The following CORO1C variants were observed in gnomAD, a reference collection of about 807,000 sequenced individuals.
CORO1C encodes coronin-1C.
CORO1C carries 14 observed loss-of-function variants against 51.2 expected under a neutral mutation model. The ratio of observed to expected loss-of-function variants is 0.27; its 90% CI spans 0.18 to 0.43. CORO1C has a LOEUF of 0.43. Ranked by LOEUF, CORO1C falls within the 20% of genes least tolerant of loss-of-function variation. CORO1C has a pLI of 1.00. For missense variants in CORO1C, 417 were observed against 607.8 expected (o/e 0.69, Z 3.30); for synonymous variants, 181 against 210.5 (o/e 0.86, Z 1.21).
rs915067445 is a variant in CORO1C at position 108,719,144 on chromosome 12, C to A, written c.-6+12285G>T. Among the ~76,000 whole-genome samples, 4 of 152,206 alleles carry A rather than the reference C, an allele frequency of 2.6e-5. No homozygotes were observed. The South Asian group carries it at 8.3e-4, about 31-fold the overall frequency. On this transcript the variant is annotated intron_variant, in intron 1 of 10. Coordinates refer to ENST00000261401, the MANE Select transcript of CORO1C (RefSeq NM_014325.4). ...GACTTGAAAATTATAATCTTTAATT[C>A]TCTATGCTAAATTAATTGGACATCA...
chr12:108,662,235 A>T (rs2033296379), intron 3 of CORO1C, 77 bp from the exon 4 acceptor site: 3 of 1,277,224 alleles, frequency 2.3e-6, no homozygotes, highest in African/African-American at 1.5e-5. Flanking sequence ...ACCATCCACT[A>T]TAAAGATTTG....
chr12:108,681,813 T>G (rs1358847208), intron 2 of CORO1C, among the ~76,000 whole-genome samples: 1 of 152,070 alleles, frequency 6.6e-6, no homozygotes, highest in East Asian at 1.9e-4. Flanking sequence ...AAAACAACAG[T>G]GAGCAAATAA....
intron 2 of CORO1C, among the ~76,000 whole-genome samples, chr12:108,679,727 C>T (rs981242680): frequency 1.3e-5 from 2 of 152,194 alleles, no homozygotes; most frequent in African/African-American, 4.8e-5. Context: ...AGAACGTTAA[C>T]GTGTAAAGAC....
At chr12:108,678,861 C>T (rs1161593297) in intron 2 of CORO1C, among the ~76,000 whole-genome samples, 1 of 151,632 alleles carries the variant, frequency 6.6e-6, no homozygotes, top group Non-Finnish European at 1.5e-5. Context: ...GTGGCTCACG[C>T]CTATAATCCC....
rs560032105 is a variant in CORO1C, at chr12:108,698,982, A to C, written c.195+2142T>G. The stretch of plus-strand genomic sequence containing the variant: ...ATTGATCTTATTTCCAATGGCTGTC[A>C]CAGGGCTTAGCTTATACCAATGTCA... On this transcript the variant is annotated intron_variant, in intron 2 of 10. Transcript: ENST00000261401. 5.9e-5 allele frequency among the ~76,000 whole-genome samples: 9 copies of C among 152,314 alleles called. No homozygotes were observed. The South Asian group carries it at 1.9e-3, about 32-fold the overall frequency.
rs1475133503 is a variant in CORO1C at position 108,658,049 on chromosome 12, C to CTATG, written c.631-630_631-627dup. ...GGCAAATGAGGACTTCTCAGACTTA[C>CTATG]TATGTGTAGTTTCAACACCGACTGA... On this transcript the variant is annotated intron_variant, in intron 5 of 10. Coordinates refer to ENST00000261401, the MANE Select transcript of CORO1C (RefSeq NM_014325.4). The surrounding 1 kb of genome is among the most constrained non-coding windows in gnomAD (Gnocchi z 4.9). Among the ~76,000 whole-genome samples the CTATG allele has an allele frequency of 4.6e-5, 7 of 152,178 alleles. No individual in the cohort carries two copies. The highest frequency in any genetic ancestry group is 1.7e-4 in the African/African-American group (7 of 41,426).
rs761985774 is a variant in CORO1C at position 108,648,894 on chromosome 12, C to G, written c.1060-44G>C. ...ACCCGTGGGTAAGGAAGAAGAAAGG[C>G]CTGGGATTTTTGAATTTTATTTTTA... On this transcript the variant is annotated intron_variant, in intron 9 of 10. Transcript: ENST00000261401. 2.5e-6 allele frequency: 4 copies of G among 1,612,126 alleles called. No homozygotes were observed. The South Asian group carries it at 3.3e-5, about 13-fold the overall frequency.
At chr12:108,662,740 A>G (rs1308507410) in intron 3 of CORO1C, among the ~76,000 whole-genome samples, 1 of 152,204 alleles carries the variant, frequency 6.6e-6, no homozygotes, top group Non-Finnish European at 1.5e-5. Flanking sequence ...CATATTTTCT[A>G]TAATTTTACA....
At chr12:108,715,859 C>T (rs1050799718) in intron 1 of CORO1C, among the ~76,000 whole-genome samples, 3 of 151,808 alleles carry the variant, frequency 2.0e-5, no homozygotes, top group Non-Finnish European at 4.4e-5. Flanking sequence ...TGAGGCCGGG[C>T]GGGGTGGCTC....
intron 1 of CORO1C, among the ~76,000 whole-genome samples, chr12:108,711,483 C>G (rs1171538600): frequency 1.3e-5 from 2 of 152,028 alleles, no homozygotes; most frequent in Non-Finnish European, 2.9e-5. Flanking sequence ...AGTTCGAGAC[C>G]AGACTGGCCA....
intron 2 of CORO1C, among the ~76,000 whole-genome samples, chr12:108,692,019 T>A (rs10861961): frequency 0.96 from 145,677 of 151,570 alleles, 70,040 homozygotes; most frequent in East Asian, 1. Flanking sequence ...AAACTGTGGA[T>A]AACACAGTCA....
chr12:108,669,885 A>AG (rs2033648067), intron 3 of CORO1C, among the ~76,000 whole-genome samples: 1 of 152,184 alleles, frequency 6.6e-6, no homozygotes, highest in South Asian at 2.1e-4. Flanking sequence ...AACATGATAT[A>AG]GGGGATATTA....
Position 108,647,444 on chromosome 12 carries a change from T to C in CORO1C, c.1384A>G (p.Ile462Val), listed in dbSNP as rs1434037323. 6.2e-7 allele frequency: 1 copy of C among 1,613,624 alleles called. No homozygotes were observed. The highest frequency in any genetic ancestry group is 1.7e-5 in the Admixed American group (1 of 60,012). ...KDTICNQDER[I>V]SKLEQQMAKI... is the part of the protein sequence containing the mutation. ...GCCATCTGCTGTTCTAACTTGGAAA[T>C]ACGCTCATCTTGATTGCAGATTGTG... Residue 462 changes from isoleucine (I) to valine (V), a missense_variant, in exon 11 of 11, where the codon ATT becomes GTT. By Grantham distance (29) the Ile-to-Val change is conservative. Transcript: ENST00000261401.
Position 108,706,329 on chromosome 12 carries a change from T to C in CORO1C, c.-5-5006A>G, listed in dbSNP as rs573014864. ...CATGAAAATACCACAGCTAACTCAA[T>C]ATTCAATGGCGAAAGATGCCTTCTC... On this transcript the variant is annotated intron_variant, in intron 1 of 10. Coordinates refer to ENST00000261401, the MANE Select transcript of CORO1C (RefSeq NM_014325.4). Among the ~76,000 whole-genome samples the C allele has an allele frequency of 1.5e-3, 228 of 152,034 alleles. 2 individuals are homozygous for C. The highest frequency in any genetic ancestry group is 5.4e-3 in the African/African-American group (223 of 41,482).
chr12:108,709,135 T>C (rs981028482), intron 1 of CORO1C, among the ~76,000 whole-genome samples: 3 of 152,140 alleles, frequency 2.0e-5, no homozygotes, highest in Non-Finnish European at 2.9e-5. Context: ...ATATATACTA[T>C]AAACCGCTGA....
intron 2 of CORO1C, among the ~76,000 whole-genome samples, chr12:108,700,764 A>C (rs1025860398): frequency 3.3e-5 from 5 of 152,232 alleles, no homozygotes; most frequent in Non-Finnish European, 7.4e-5. Flanking sequence ...TGTTTTTAAA[A>C]CTTTACTTTG....
chr12:108,715,505 A>G (rs3825253), intron 1 of CORO1C, among the ~76,000 whole-genome samples: 8,652 of 152,024 alleles, frequency 0.057, 508 homozygotes, highest in East Asian at 0.32. Context: ...ACATCTCCCA[A>G]TTTTCTGCTT....
intron 1 of CORO1C, among the ~76,000 whole-genome samples, chr12:108,726,424 C>T (rs188012652): frequency 3.4e-4 from 49 of 145,870 alleles, no homozygotes; most frequent in African/African-American, 1.1e-3. Flanking sequence ...GAGACTCTGT[C>T]TCAAAAAAAA....
chr12:108,682,470 A>G (rs950910592), intron 2 of CORO1C, among the ~76,000 whole-genome samples: 1 of 152,212 alleles, frequency 6.6e-6, no homozygotes, highest in Non-Finnish European at 1.5e-5. Context: ...CATCTAAAGA[A>G]ACAATTCACT....
Sources: allele counts gnomAD v4.1 joint callset (sites outside exome capture counted in the v4.1 genomes callset), GRCh38; gene constraint gnomAD v4.1.1; non-coding constraint Gnocchi (gnomAD v3.1); transcripts MANE v1.5; gene names NCBI Gene and HGNC (gene_info 2026-07-23, HGNC 2026-07-21).